Variants in EP300 observed in about 807,000 individuals in gnomAD.
EP300 encodes the protein EP300 lysine acetyltransferase.
Under a neutral mutation model 264.0 loss-of-function variants are expected in EP300, and 31 were observed. The observed-to-expected ratio is 0.12, with a 90% CI of 0.09 to 0.16. The LOEUF (loss-of-function observed/expected upper bound fraction) is 0.16. Ranked by LOEUF, EP300 falls within the 10% of genes least tolerant of loss-of-function variation. The pLI, the probability that EP300 is intolerant of heterozygous loss-of-function variation, is 1.00. For missense variants in EP300, 2,766 were observed against 3,052.9 expected (o/e 0.91, Z 2.21); for synonymous variants, 1,340 against 1,045.4 (o/e 1.28, Z -5.44).
At chr22:41,097,440 C>T (rs2058708371) in intron 1 of EP300, among the ~76,000 whole-genome samples, 1 of 151,870 alleles carries the variant, frequency 6.6e-6, no homozygotes, top group South Asian at 2.1e-4. Flanking sequence ...TCTCTCTCTT[C>T]TTTATTTAAT....
At chr22:41,115,232 G>A (rs371885872) in intron 1 of EP300, among the ~76,000 whole-genome samples, 3 of 152,162 alleles carry the variant, frequency 2.0e-5, no homozygotes, top group African/African-American at 7.2e-5. Flanking sequence ...GGGATGTTTG[G>A]TGATGTCTGG....
intron 6 of EP300, among the ~76,000 whole-genome samples, chr22:41,133,805 C>G (rs745685357): frequency 1.3e-5 from 2 of 152,080 alleles, no homozygotes; most frequent in Non-Finnish European, 1.5e-5. Flanking sequence ...AACCAGTGAT[C>G]TGCTTTTAAG....
intron 1 of EP300, among the ~76,000 whole-genome samples, chr22:41,113,157 A>AACCCCCCCC (rs2058802817): frequency 1.2e-4 from 11 of 92,898 alleles, no homozygotes; most frequent in African/African-American, 1.7e-4. Flanking sequence ...TCAGGATTCC[A>AACCCCCCCC]CCCCCCCCCC....
intron 29 of EP300, chr22:41,174,887 C>T (rs554133187): frequency 3.3e-5 from 5 of 152,180 alleles, no homozygotes; most frequent in African/African-American, 1.2e-4. Flanking sequence ...ATGATGTTAT[C>T]ATGGTGAACA....
At chr22:41,128,329 G>A (rs945731284) in intron 4 of EP300, among the ~76,000 whole-genome samples, 1 of 151,930 alleles carries the variant, frequency 6.6e-6, no homozygotes, top group African/African-American at 2.4e-5. Flanking sequence ...ATGTCTGGGT[G>A]TGTTCCTGTA....
intron 7 of EP300, among the ~76,000 whole-genome samples, chr22:41,136,441 GATGTTAAGA>G (rs2058951152): frequency 6.6e-6 from 1 of 152,164 alleles, no homozygotes; most frequent in African/African-American, 2.4e-5. Context: ...GCCTTATCCT[GATGTTAAGA>G]ATTAGTCCAC....
intron 1 of EP300, among the ~76,000 whole-genome samples, chr22:41,105,049 T>C (rs549828463): frequency 6.0e-4 from 91 of 151,724 alleles, no homozygotes; most frequent in Non-Finnish European, 1.2e-3. Context: ...ACAGAAAAAT[T>C]AGCCGGGCGT....
intron 2 of EP300, among the ~76,000 whole-genome samples, chr22:41,121,544 A>G (rs2058852130): frequency 6.6e-6 from 1 of 152,156 alleles, no homozygotes; most frequent in Non-Finnish European, 1.5e-5. Flanking sequence ...GTCAGGAAGA[A>G]ATTACTGCCA....
At chr22:41,132,660 T>C (rs1449479487) in intron 6 of EP300, among the ~76,000 whole-genome samples, 2 of 152,144 alleles carry the variant, frequency 1.3e-5, no homozygotes, top group African/African-American at 4.8e-5. Context: ...AGAAATTGTG[T>C]TTTGACTTGA....
At chr22:41,148,790 T>C (rs1795368428) in intron 12 of EP300, 1 of 551,322 alleles carries the variant, frequency 1.8e-6, no homozygotes. Context: ...AGAATGTGTG[T>C]TCCATCCTCT....
At position 41,116,426 on chromosome 22, in the gene EP300, G is replaced by A. The variant is rs59407111; in HGVS notation, c.95-761G>A. Reference sequence around the variant, plus strand: ...TTCCCCTCTCTGTGTCCATGTGTTCGTATTTAACTCCCACTTATGAGTGAG... The same window carrying A: ...TTCCCCTCTCTGTGTCCATGTGTTCATATTTAACTCCCACTTATGAGTGAG... On this transcript the variant is annotated intron_variant, in intron 1 of 30. Transcript: ENST00000263253. 1.6e-3 allele frequency among the ~76,000 whole-genome samples: 249 copies of A among 152,120 alleles called. 1 individual carries two copies. The highest frequency in any genetic ancestry group is 5.7e-3 in the African/African-American group (237 of 41,498).
At position 41,117,371 on chromosome 22, in the gene EP300, C is replaced by T. The variant is rs775978660; in HGVS notation, c.279C>T (p.Leu93=). The T allele has an allele frequency of 2.5e-6, 4 of 1,614,194 alleles. No individual in the cohort carries two copies. The highest frequency in any genetic ancestry group is 3.4e-6 in the Non-Finnish European group (4 of 1,180,034). The change falls in exon 2 of 31, where the codon CTC becomes CTT. Residue 93 remains leucine, a synonymous_variant. Coordinates refer to ENST00000263253, the MANE Select transcript of EP300 (RefSeq NM_001429.4). The part of the protein sequence containing the change: ...ELLRSGSSPN[L]NMGVGGPGQV... ...TGCGATCTGGTAGTTCCCCTAACCT[C>T]AATATGGGAGTTGGTGGCCCAGGTC...
chr22:41,129,073 T>G (rs546201841), intron 4 of EP300, among the ~76,000 whole-genome samples: 1 of 152,106 alleles, frequency 6.6e-6, no homozygotes, highest in Admixed American at 6.5e-5. Context: ...TGCAGTGGTG[T>G]GATCTCAGCT....
intron 5 of EP300, 81 bp from the exon 6 acceptor site, chr22:41,131,307 G>A: frequency 2.1e-6 from 3 of 1,432,216 alleles, no homozygotes; most frequent in South Asian, 1.2e-5. Flanking sequence ...CAATAATTTT[G>A]TGGGGTTTTT....
chr22:41,142,554 A>G (rs766073473), intron 10 of EP300, among the ~76,000 whole-genome samples: 8 of 152,158 alleles, frequency 5.3e-5, no homozygotes, highest in Non-Finnish European at 1.2e-4. Flanking sequence ...AGACTGCTTC[A>G]GTACATGATT....
chr22:41,098,687 TGAGA>T (rs373713441), intron 1 of EP300, among the ~76,000 whole-genome samples: 7 of 151,870 alleles, frequency 4.6e-5, no homozygotes, highest in Admixed American at 6.6e-5. Flanking sequence ...GTAATTTTGT[TGAGA>T]GAGAGAGAGT....
At chr22:41,098,701 T>A (rs901683756) in intron 1 of EP300, among the ~76,000 whole-genome samples, 1 of 151,722 alleles carries the variant, frequency 6.6e-6, no homozygotes, top group Non-Finnish European at 1.5e-5. Flanking sequence ...AGAGAGAGAG[T>A]AAAACTAAAA....
intron 17 of EP300, 59 bp from the exon 18 acceptor site, chr22:41,157,110 T>TC (rs1360790653): frequency 1.9e-6 from 3 of 1,606,260 alleles, no homozygotes; most frequent in South Asian, 1.1e-5. Context: ...TGGATGATAC[T>TC]CCATCTCCCG....
Position 41,158,395 on chromosome 22 carries a change from A to G in EP300, c.3502-17A>G. 2 of 1,612,924 alleles carry G rather than the reference A, an allele frequency of 1.2e-6. No homozygotes were observed. The highest frequency in any genetic ancestry group is 1.3e-5 in the African/African-American group (1 of 75,044). On this transcript the variant is annotated splice_polypyrimidine_tract_variant and intron_variant, in intron 18 of 30. Coordinates refer to ENST00000263253, the MANE Select transcript of EP300 (RefSeq NM_001429.4). ...CTTAAGGCCTCTGTGCTTTTTAACAAATGGTTTCTTTTGCAGTTGGAGTTC... is the reference window on the plus strand; with the variant it reads ...CTTAAGGCCTCTGTGCTTTTTAACAGATGGTTTCTTTTGCAGTTGGAGTTC...
Sources: gnomAD v4.1 joint callset for allele counts (sites outside exome capture counted in the v4.1 genomes callset) on GRCh38, gnomAD v4.1.1 for gene constraint, MANE v1.5 for transcripts, NCBI Gene and HGNC (gene_info 2026-07-23, HGNC 2026-07-21) for gene names.